The following METTL2B variants were observed in gnomAD, a reference collection of about 807,000 sequenced individuals.
METTL2B encodes tRNA N(3)-cytidine methyltransferase METTL2B.
In METTL2B, 28 loss-of-function variants were observed where a neutral mutation model predicts 51.0. The observed-to-expected ratio is 0.55, with a 90% CI of 0.41 to 0.75. METTL2B has a LOEUF of 0.75. METTL2B is among the 30% of genes least tolerant of loss of function. METTL2B has a pLI of 0.00. For synonymous variants in METTL2B, 128 were observed against 166.3 expected (o/e 0.77, Z 1.77); for missense variants, 313 against 460.7 (o/e 0.68, Z 2.93).
chr7:128,488,640 C>G lies in METTL2B; in HGVS notation c.669+479C>G, dbSNP rs570421914. On this transcript the variant is annotated intron_variant, in intron 5 of 8. Coordinates refer to ENST00000262432, the MANE Select transcript of METTL2B (RefSeq NM_018396.3). ...CATTTCTCTCCCTCTCCTCAGGTCTCCTTGTTCTCTAAGACACAATATTGC... is the reference window on the plus strand; with the variant it reads ...CATTTCTCTCCCTCTCCTCAGGTCTGCTTGTTCTCTAAGACACAATATTGC... 49 of 389,500 alleles carry G rather than the reference C, an allele frequency of 1.3e-4. No individual in the cohort carries two copies. The East Asian group carries it at 3.0e-3, about 24-fold the overall frequency. 24.1% of individuals were successfully genotyped at this position (389,500 alleles called of 1,614,324 possible). A position where few individuals can be genotyped will look rare whatever the true frequency, so the allele number is the denominator to read the frequency against.
chr7:128,491,262 G>A (rs1792824433), intron 5 of METTL2B, among the ~76,000 whole-genome samples: 1 of 151,646 alleles, frequency 6.6e-6, no homozygotes, highest in African/African-American at 2.4e-5. Flanking sequence ...TTCAAGACCA[G>A]CCTGGCCAAC....
intron 6 of METTL2B, among the ~76,000 whole-genome samples, chr7:128,494,883 G>A (rs1329991582): frequency 2.0e-5 from 3 of 151,090 alleles, no homozygotes; most frequent in Admixed American, 1.3e-4. Flanking sequence ...CCTCAACCTC[G>A]CAAAATGCTG....
intron 3 of METTL2B, 144 bp from the exon 4 acceptor site, chr7:128,480,503 A>G (rs1167451649): frequency 3.3e-5 from 46 of 1,382,124 alleles, no homozygotes; most frequent in Non-Finnish European, 4.3e-5. Flanking sequence ...AACAAATGTC[A>G]TGGGTACTGT....
chr7:128,500,598 G>A (rs1793011002), intron 7 of METTL2B, among the ~76,000 whole-genome samples: 2 of 152,262 alleles, frequency 1.3e-5, no homozygotes, highest in South Asian at 4.1e-4. Flanking sequence ...CCCAGCCTAG[G>A]CAACAAGAGC....
intron 8 of METTL2B, chr7:128,501,354 A>G (rs1563032201): frequency 9.1e-6 from 9 of 985,296 alleles, no homozygotes; most frequent in Non-Finnish European, 9.6e-6. Context: ...TCTCCTCTGC[A>G]ACTGGCCCAT....
chr7:128,481,160 C>T (rs930234009), intron 4 of METTL2B, among the ~76,000 whole-genome samples: 2 of 152,218 alleles, frequency 1.3e-5, no homozygotes, highest in African/African-American at 4.8e-5. Flanking sequence ...GAAGATGTCT[C>T]CTGTTCTGAT....
rs1415647176 is a variant in METTL2B, at chr7:128,506,265, ATTAAT to A, written c.*4354_*4358del. The A allele has an allele frequency of 6.6e-6, 1 of 152,240 alleles. No individual in the cohort carries two copies. The highest frequency in any genetic ancestry group is 2.4e-5 in the African/African-American group (1 of 41,462). The allele number at this position is 152,240 out of a possible 1,614,324, so 9.4% of individuals were successfully genotyped here. On this transcript the variant is annotated 3_prime_UTR_variant, in exon 9 of 9. Coordinates refer to ENST00000262432, the MANE Select transcript of METTL2B (RefSeq NM_018396.3). ...ATCTTTTGAAATGAAGAATAGATAC[ATTAAT>A]TTAAATGATTCTCTAAAGACTGTCC...
At chr7:128,497,531 G>A (rs772229121) in intron 6 of METTL2B, among the ~76,000 whole-genome samples, 35 of 152,252 alleles carry the variant, frequency 2.3e-4, no homozygotes, top group Admixed American at 9.8e-4. Context: ...CGCCCAGGCC[G>A]GAGGGCAGTG....
chr7:128,479,052 T>C, intron 2 of METTL2B, 106 bp from the exon 3 acceptor site: 1 of 1,219,976 alleles, frequency 8.2e-7, no homozygotes, highest in African/African-American at 1.5e-5. Context: ...TACCTGAGGA[T>C]AATTTTAGTA....
chr7:128,486,988 G>A (rs915419495), intron 4 of METTL2B, among the ~76,000 whole-genome samples: 24 of 152,186 alleles, frequency 1.6e-4, no homozygotes, highest in African/African-American at 3.4e-4. Context: ...CCCTGCTTTC[G>A]GAGCAGTGCT....
chr7:128,493,693 T>A, intron 5 of METTL2B, 111 bp from the exon 6 acceptor site: 1 of 1,434,154 alleles, frequency 7.0e-7, no homozygotes, highest in South Asian at 1.4e-5. Flanking sequence ...AAGAAATAGA[T>A]CCCTCTTCGT....
chr7:128,500,425 A>G (rs1793008356), intron 7 of METTL2B, among the ~76,000 whole-genome samples: 1 of 152,218 alleles, frequency 6.6e-6, no homozygotes, highest in South Asian at 2.1e-4. Context: ...GTTTGAGACC[A>G]GCCTAGCCAA....
At chr7:128,490,989 C>T (rs1403557329) in intron 5 of METTL2B, among the ~76,000 whole-genome samples, 4 of 150,884 alleles carry the variant, frequency 2.7e-5, no homozygotes, top group South Asian at 4.2e-4. Context: ...GGTGAAACCC[C>T]GTCTCTACTA....
At chr7:128,476,978 C>T (rs1799808727) in intron 1 of METTL2B, 103 bp downstream of exon 1, 1 of 1,590,780 alleles carries the variant, frequency 6.3e-7, no homozygotes, top group East Asian at 2.3e-5. Flanking sequence ...TCAAGCTGCC[C>T]TACCCGAGGC....
At chr7:128,490,112 A>G (rs1792801742) in intron 5 of METTL2B, among the ~76,000 whole-genome samples, 1 of 152,094 alleles carries the variant, frequency 6.6e-6, no homozygotes, top group Non-Finnish European at 1.5e-5. Flanking sequence ...TGCCATTTCA[A>G]AACAAAAAAC....
intron 6 of METTL2B, among the ~76,000 whole-genome samples, chr7:128,497,634 C>T (rs1792947300): frequency 6.6e-6 from 1 of 152,196 alleles, no homozygotes; most frequent in Admixed American, 6.5e-5. Flanking sequence ...AGACGCATGC[C>T]ACCACGCCTG....
chr7:128,477,847 C>G, intron 2 of METTL2B: 1 of 346,480 alleles, frequency 2.9e-6, no homozygotes, highest in Non-Finnish European at 6.1e-6. Flanking sequence ...GTTCCAGTTA[C>G]AAAACATTCA....
intron 7 of METTL2B, 138 bp from the exon 8 acceptor site, chr7:128,500,765 G>A (rs770618687): frequency 4.0e-5 from 35 of 875,404 alleles, no homozygotes; most frequent in Admixed American, 7.0e-5. Flanking sequence ...ACTTACTCCC[G>A]TTGAGCTGCT....
intron 1 of METTL2B, 53 bp from the exon 2 acceptor site, chr7:128,477,029 C>G (rs1387830053): frequency 6.2e-7 from 1 of 1,608,568 alleles, no homozygotes; most frequent in African/African-American, 1.3e-5. Flanking sequence ...AGCGACTCAC[C>G]CTGCTCGCAG....
Sources: gnomAD v4.1 joint callset for allele counts (sites outside exome capture counted in the v4.1 genomes callset) on GRCh38, gnomAD v4.1.1 for gene constraint, MANE v1.5 for transcripts, NCBI Gene and HGNC (gene_info 2026-07-23, HGNC 2026-07-21) for gene names.